Variants in RORA observed in about 807,000 individuals in gnomAD.
RORA encodes the protein RAR related orphan receptor A.
A neutral mutation model predicts 69.5 loss-of-function variants in RORA; 7 were observed. That is an observed-to-expected ratio of 0.10 (90% CI 0.06 to 0.19). The LOEUF is 0.19. RORA is among the 10% of genes least tolerant of loss of function. The pLI, the probability that RORA is intolerant of heterozygous loss-of-function variation, is 1.00. For missense variants in RORA, 457 were observed against 663.0 expected (o/e 0.69, Z 3.41); for synonymous variants, 261 against 240.8 (o/e 1.08, Z -0.78).
intron 1 of RORA, among the ~76,000 whole-genome samples, chr15:61,001,313 G>T (rs16943472): frequency 4.6e-5 from 7 of 152,164 alleles, no homozygotes; most frequent in African/African-American, 1.7e-4. Flanking sequence ...CTCAACTTAG[G>T]GCTCAGATTC....
At chr15:60,526,569 G>C (rs1056463063) in intron 3 of RORA, among the ~76,000 whole-genome samples, 4 of 152,200 alleles carry the variant, frequency 2.6e-5, no homozygotes, top group Admixed American at 2.6e-4. Flanking sequence ...CACAGGACTG[G>C]AAGATTTAGC....
At chr15:60,984,088 AAT>A (rs10535917) in intron 1 of RORA, among the ~76,000 whole-genome samples, 32,285 of 152,028 alleles carry the variant, frequency 0.21, 3,652 homozygotes, top group African/African-American at 0.27. Context: ...TGTTTCTGAG[AAT>A]ATGTTAGTAG....
chr15:60,775,759 A>G (rs2072156886), intron 1 of RORA, among the ~76,000 whole-genome samples: 1 of 152,212 alleles, frequency 6.6e-6, no homozygotes, highest in South Asian at 2.1e-4. Context: ...CGGAGGGCTT[A>G]ATTTAATAAA....
intron 1 of RORA, among the ~76,000 whole-genome samples, chr15:60,739,222 C>T (rs1035447803): frequency 3.9e-5 from 6 of 152,078 alleles, no homozygotes; most frequent in Non-Finnish European, 7.4e-5. Context: ...CGTAGAAACC[C>T]GGGGTCTTCA....
intron 2 of RORA, among the ~76,000 whole-genome samples, chr15:60,615,501 C>T (rs946144637): frequency 2.0e-5 from 3 of 152,056 alleles, no homozygotes; most frequent in Middle Eastern, 3.2e-3. Context: ...AACTCTGTAC[C>T]GGGGGCTCCA....
At chr15:60,577,461 T>G (rs1291030750) in intron 2 of RORA, among the ~76,000 whole-genome samples, 1 of 152,074 alleles carries the variant, frequency 6.6e-6, no homozygotes, top group African/African-American at 2.4e-5. Context: ...CTGGCCAACA[T>G]GGTAAAACCC....
chr15:60,806,661 T>C (rs2072663934), intron 1 of RORA, among the ~76,000 whole-genome samples: 1 of 152,222 alleles, frequency 6.6e-6, no homozygotes, highest in Non-Finnish European at 1.5e-5. Flanking sequence ...GTGGGTATTA[T>C]TATTCCCATT....
chr15:60,797,308 C>T (rs1471070071), intron 1 of RORA, among the ~76,000 whole-genome samples: 1 of 151,990 alleles, frequency 6.6e-6, no homozygotes, highest in Non-Finnish European at 1.5e-5. Context: ...AAAAGATAGC[C>T]ATACATAGGT....
At chr15:60,775,852 A>AC (rs1200433852) in intron 1 of RORA, among the ~76,000 whole-genome samples, 5 of 152,272 alleles carry the variant, frequency 3.3e-5, no homozygotes, top group African/African-American at 9.6e-5. Flanking sequence ...CTTGTGAAGC[A>AC]CCCCGTCCTT....
chr15:60,592,011 G>C (rs970622655), intron 2 of RORA, among the ~76,000 whole-genome samples: 1 of 152,026 alleles, frequency 6.6e-6, no homozygotes, highest in African/African-American at 2.4e-5. Flanking sequence ...GGGACCGGCC[G>C]CGGGCGTCCC....
chr15:61,135,399 C>T (rs969005579), intron 1 of RORA, among the ~76,000 whole-genome samples: 4 of 151,674 alleles, frequency 2.6e-5, no homozygotes, highest in Non-Finnish European at 4.4e-5. Context: ...TTATGTGTTC[C>T]TACCATAACT....
At chr15:60,991,242 C>T (rs1894366734) in intron 1 of RORA, among the ~76,000 whole-genome samples, 1 of 151,952 alleles carries the variant, frequency 6.6e-6, no homozygotes. Context: ...GAACAAATAT[C>T]AGTAAAGCAA....
chr15:60,801,068 AAG>A (rs955562690), intron 1 of RORA, among the ~76,000 whole-genome samples: 6 of 152,210 alleles, frequency 3.9e-5, no homozygotes, highest in Non-Finnish European at 8.8e-5. Context: ...ATAAAGTATA[AAG>A]AGTTATTACC....
chr15:61,225,223 A>G (rs1055085351), intron 1 of RORA, among the ~76,000 whole-genome samples: 1 of 152,202 alleles, frequency 6.6e-6, no homozygotes, highest in Non-Finnish European at 1.5e-5. Flanking sequence ...AGTTTAAAAA[A>G]TAATTATTTT....
At chr15:60,852,592 C>T (rs1010602597) in intron 1 of RORA, among the ~76,000 whole-genome samples, 1 of 152,138 alleles carries the variant, frequency 6.6e-6, no homozygotes, top group African/African-American at 2.4e-5. Flanking sequence ...TCTGAGGAAA[C>T]AAGATGAACA....
At chr15:61,119,643 C>T (rs1350426204) in intron 1 of RORA, among the ~76,000 whole-genome samples, 1 of 152,002 alleles carries the variant, frequency 6.6e-6, no homozygotes, top group Non-Finnish European at 1.5e-5. Flanking sequence ...CAGTAGGGCT[C>T]CCCAGGTTGG....
rs373419832 is a variant in RORA, at chr15:60,554,490, A to G, written c.197-22639T>C. Among the ~76,000 whole-genome samples the G allele has an allele frequency of 2.6e-5, 4 of 152,240 alleles. No homozygotes were observed. In the East Asian group the frequency reaches 5.8e-4, roughly 22 times the overall value. ...GGGGCTCTTTAATAACCAAGGCACC[A>G]TTTAAAAATAGCTAGAATTAATTAC... On this transcript the variant is annotated intron_variant, in intron 2 of 10. Transcript: ENST00000335670.
intron 1 of RORA, among the ~76,000 whole-genome samples, chr15:60,845,237 C>T (rs1017856110): frequency 6.6e-6 from 1 of 152,162 alleles, no homozygotes; most frequent in Non-Finnish European, 1.5e-5. Flanking sequence ...TACGTCAACA[C>T]AAATTGAGAT....
At chr15:60,802,462 T>C (rs1329102698) in intron 1 of RORA, among the ~76,000 whole-genome samples, 2 of 152,228 alleles carry the variant, frequency 1.3e-5, no homozygotes, top group Non-Finnish European at 2.9e-5. Flanking sequence ...AAATACTTCA[T>C]GAGGCCCATC....
Sources: gnomAD v4.1 joint callset for allele counts (sites outside exome capture counted in the v4.1 genomes callset) on GRCh38, gnomAD v4.1.1 for gene constraint, MANE v1.5 for transcripts, NCBI Gene and HGNC (gene_info 2026-07-23, HGNC 2026-07-21) for gene names.